The following KNL1 variants were observed in gnomAD, a reference collection of about 807,000 sequenced individuals.
KNL1 encodes kinetochore scaffold 1, also known as outer kinetochore KNL1 complex subunit KNL1.
KNL1 carries 66 observed loss-of-function variants against 201.3 expected under a neutral mutation model. The observed-to-expected ratio is 0.33, with a 90% CI of 0.27 to 0.40. KNL1 has a LOEUF of 0.40. KNL1 is among the 10% of genes least tolerant of loss of function. The probability of loss-of-function intolerance (pLI) is 1.00; values close to 1 mark genes in which losing one functional copy is unlikely to be tolerated. For missense variants in KNL1, 2,815 were observed against 2,690.5 expected (o/e 1.05, Z -1.02); for synonymous variants, 895 against 899.2 (o/e 1.00, Z 0.08).
chr15:40,624,410 T>A lies in KNL1; in HGVS notation c.4146T>A (p.Val1382=). The change falls in exon 10 of 26, where the codon GTT becomes GTA. Residue 1382 remains valine, a synonymous_variant. Coordinates refer to ENST00000399668, the MANE Select transcript of KNL1 (RefSeq NM_144508.5). ...GTACCAAAGGACAGTTAGACTGTGT[T>A]ATAACACTGCACAAAGATCAAGATC... ...QTSTKGQLDC[V]ITLHKDQDLI... 1 of 1,614,032 alleles carries A rather than the reference T, an allele frequency of 6.2e-7. No individual in the cohort carries two copies. The highest frequency in any genetic ancestry group is 8.5e-7 in the Non-Finnish European group (1 of 1,179,940).
At position 40,624,128 on chromosome 15, in the gene KNL1, A is replaced by C. The variant is rs752117007; in HGVS notation, c.3864A>C (p.Thr1288=). The change falls in exon 10 of 26, where the codon ACA becomes ACC. Residue 1288 remains threonine (T), a synonymous_variant. Coordinates refer to ENST00000399668, the MANE Select transcript of KNL1 (RefSeq NM_144508.5). ...GAGATAGAAGAAATGTGGACTTTAC[A>C]AGTAGTCATGCAACTGCTGTTTGTG... is the stretch of plus-strand genomic sequence containing the variant. ...NNRDRRNVDF[T]SSHATAVCGS... The C allele has an allele frequency of 1.2e-6, 2 of 1,614,024 alleles. No individual in the cohort carries two copies. Among genetic ancestry groups the C allele is most frequent in the South Asian group, 2.2e-5 (2 of 91,082 alleles).
At chr15:40,651,841 A>T (rs1893574647) in intron 20 of KNL1, among the ~76,000 whole-genome samples, 164 bp from the exon 21 acceptor site, 1 of 152,202 alleles carries the variant, frequency 6.6e-6, no homozygotes, top group Admixed American at 6.5e-5. Context: ...GTTATTTCAA[A>T]AGCTTAAGTT....
chr15:40,662,538 AT>A lies in KNL1; in HGVS notation c.*354del. 1 of 232,262 alleles carries A rather than the reference AT, an allele frequency of 4.3e-6. No homozygotes were observed. The highest frequency in any genetic ancestry group is 1.7e-4 in the South Asian group (1 of 5,876). The allele number at this position is 232,262 out of a possible 1,614,324, so 14.4% of individuals were successfully genotyped here. ...GTTATCACTGACAAGAACATTAGCC[AT>A]TTTCCCATAACTAGATAGAGCTATG... is the stretch of plus-strand genomic sequence containing the variant. On this transcript the variant is annotated 3_prime_UTR_variant, in exon 26 of 26. Coordinates refer to ENST00000399668, the MANE Select transcript of KNL1 (RefSeq NM_144508.5).
rs1283258948 is a variant in KNL1, at chr15:40,654,768, C to G, written c.6416-141C>G. The G allele has an allele frequency of 3.4e-5, 20 of 591,928 alleles. No individual in the cohort carries two copies. The South Asian group carries it at 3.5e-4, about 10-fold the overall frequency. 36.7% of individuals were successfully genotyped at this position (591,928 alleles called of 1,614,324 possible). On this transcript the variant is annotated intron_variant, in intron 21 of 25. Transcript: ENST00000399668. ...CCTGTAGTCCCAGCTACTCAGGAGG[C>G]TGAGGCAGGAGAATCGCTTGAACCT...
intron 13 of KNL1, among the ~76,000 whole-genome samples, chr15:40,634,162 A>G (rs1175878751): frequency 6.6e-6 from 1 of 152,132 alleles, no homozygotes; most frequent in Non-Finnish European, 1.5e-5. Flanking sequence ...GCTGGAGTGC[A>G]GTGGCATGAT....
rs778951878 is a variant in KNL1 at position 40,622,263 on chromosome 15, G to A, written c.1999G>A (p.Ala667Thr). ...PQSADCNQEI[A>T]TSHNIVYCGG... is the part of the protein sequence containing the mutation. ...GTCAGCTGATTGTAATCAGGAGATA[G>A]CAACAAGCCATAATATAGTCTACTG... Residue 667 changes from alanine to threonine, a missense_variant, in exon 10 of 26, where the codon GCA (alanine) becomes ACA (threonine). Ala to Thr is a moderately conservative substitution (Grantham distance 58, BLOSUM62 0). Transcript: ENST00000399668. 2 of 1,613,926 alleles carry A rather than the reference G, an allele frequency of 1.2e-6. No homozygotes were observed. Among genetic ancestry groups the A allele is most frequent in the Non-Finnish European group, 1.7e-6 (2 of 1,179,926 alleles).
At chr15:40,612,750 C>G (rs977410157) in intron 7 of KNL1, among the ~76,000 whole-genome samples, 3 of 152,018 alleles carry the variant, frequency 2.0e-5, no homozygotes, top group Admixed American at 2.0e-4. Flanking sequence ...GTCTCTTGAC[C>G]TCGTGATCCG....
At chr15:40,605,013 G>T in intron 2 of KNL1, 97 bp from the exon 3 acceptor site, 1 of 679,508 alleles carries the variant, frequency 1.5e-6, no homozygotes, top group South Asian at 1.8e-5. Context: ...AGAAAGTGAT[G>T]ACCAGTTTGA....
intron 8 of KNL1, among the ~76,000 whole-genome samples, chr15:40,618,331 T>C (rs764030967): frequency 6.6e-6 from 1 of 152,082 alleles, no homozygotes; most frequent in Non-Finnish European, 1.5e-5. Flanking sequence ...TTACTATTTT[T>C]CTAAAATGCA....
At chr15:40,596,370 G>T (rs1385935787) in intron 1 of KNL1, among the ~76,000 whole-genome samples, 1 of 152,124 alleles carries the variant, frequency 6.6e-6, no homozygotes, top group Admixed American at 6.5e-5. Context: ...TCCGCCTCCT[G>T]GGTTCAAATG....
chr15:40,649,286 T>A (rs1893485297), intron 17 of KNL1, among the ~76,000 whole-genome samples: 1 of 152,070 alleles, frequency 6.6e-6, no homozygotes, highest in African/African-American at 2.4e-5. Flanking sequence ...CAAACATTGC[T>A]ATTTTTATGC....
At position 40,629,280 on chromosome 15, in the gene KNL1, A is replaced by C; in HGVS notation, c.5591A>C (p.Gln1864Pro). The part of the protein sequence containing the change: ...ICEESLREKL[Q>P]DGRITIREFF... ...TTTTTTTTCTTTTCTCAGAAACTCC[A>C]AGATGGGAGAATAACAATAAGGGAG... Residue 1864 changes from glutamine (Q) to proline (P), a missense_variant, in exon 13 of 26, where the codon CAA (glutamine) becomes CCA (proline). Around this residue, in one of 3 missense-constraint regions of KNL1, gnomAD observed 2,464 missense variants for 2,291.7 expected, o/e 1.08. Transcript: ENST00000399668. 6.3e-7 allele frequency: 1 copy of C among 1,580,032 alleles called. No homozygotes were observed. Among genetic ancestry groups the C allele is most frequent in the Non-Finnish European group, 8.5e-7 (1 of 1,170,398 alleles).
intron 25 of KNL1, among the ~76,000 whole-genome samples, chr15:40,661,219 G>A (rs1017147657): frequency 4.6e-5 from 7 of 151,828 alleles, no homozygotes; most frequent in East Asian, 1.9e-4. Context: ...TTGACTGGGC[G>A]TGGTGGCTCA....
chr15:40,599,125 T>A (rs1891704987), intron 1 of KNL1, among the ~76,000 whole-genome samples: 1 of 151,676 alleles, frequency 6.6e-6, no homozygotes, highest in African/African-American at 2.4e-5. Context: ...AAAAAATTTT[T>A]TTTAAACAAC....
At chr15:40,597,796 T>G (rs115042826) in intron 1 of KNL1, among the ~76,000 whole-genome samples, 2,142 of 152,330 alleles carry the variant, frequency 0.014, 52 homozygotes, top group African/African-American at 0.049. Context: ...GCTTAATGAC[T>G]GTTTTAAACA....
At position 40,621,868 on chromosome 15, in the gene KNL1, A is replaced by T; in HGVS notation, c.1604A>T (p.Asn535Ile). 6.2e-7 allele frequency: 1 copy of T among 1,614,104 alleles called. No individual in the cohort carries two copies. The highest frequency in any genetic ancestry group is 1.7e-5 in the Admixed American group (1 of 60,020). ...TCAGAAGATGGGAAAATGAATGTAA[A>T]TTGTAACTCAGTTCCTCATGTATCT... is the stretch of plus-strand genomic sequence containing the variant. The part of the protein sequence containing the change: ...TTSEDGKMNV[N>I]CNSVPHVSKE... Residue 535 changes from asparagine (N) to isoleucine (I), a missense_variant, in exon 10 of 26, where the codon AAT (asparagine) becomes ATT (isoleucine). Physicochemically the swap from Asn to Ile is moderately radical, Grantham distance 149. Transcript: ENST00000399668.
chr15:40,653,902 CTAA>C (rs1893645550), intron 21 of KNL1, among the ~76,000 whole-genome samples: 1 of 152,170 alleles, frequency 6.6e-6, no homozygotes, highest in Non-Finnish European at 1.5e-5. Flanking sequence ...TGAACTCCTA[CTAA>C]TAATTGTAAG....
At chr15:40,602,081 C>T (rs1188435078) in intron 1 of KNL1, among the ~76,000 whole-genome samples, 2 of 150,100 alleles carry the variant, frequency 1.3e-5, no homozygotes, top group Non-Finnish European at 3.0e-5. Context: ...CCAGGCCGGA[C>T]TGTGGTGGCG....
rs752993488 is a variant in KNL1, at chr15:40,621,480, G to T, written c.1216G>T (p.Ala406Ser). Reference protein sequence around the residue: ...HIVSQTCNQDARILAMTPESI... With the variant: ...HIVSQTCNQDSRILAMTPESI... ...AGTCTCACAGACTTGTAATCAGGAT[G>T]CCAGAATATTAGCCATGACCCCAGA... Residue 406 changes from alanine to serine, a missense_variant, in exon 10 of 26, where the codon GCC becomes TCC. Physicochemically the swap from Ala to Ser is moderately conservative, Grantham distance 99 (BLOSUM62 1). This residue lies in a region of KNL1 where 2,464 missense variants were observed against 2,291.7 expected (regional missense o/e 1.08). Transcript: ENST00000399668. The T allele has an allele frequency of 2.0e-5, 33 of 1,613,790 alleles. No individual in the cohort carries two copies. The East Asian group carries it at 7.4e-4, about 36-fold the overall frequency.
Sources: allele counts gnomAD v4.1 joint callset (sites outside exome capture counted in the v4.1 genomes callset), GRCh38; gene constraint gnomAD v4.1.1; regional missense constraint gnomAD v4.1.1; transcripts MANE v1.5; gene names NCBI Gene and HGNC (gene_info 2026-07-23, HGNC 2026-07-21).